FGGY: variants seen among roughly 807,000 people sequenced by gnomAD.
FGGY encodes FGGY carbohydrate kinase domain containing.
Under a neutral mutation model 71.3 loss-of-function variants are expected in FGGY, and 72 were observed. That is an observed-to-expected ratio of 1.01 (90% CI 0.84 to 1.23). FGGY has a LOEUF of 1.23. FGGY is among the 50% of genes most tolerant of loss of function. The pLI, the probability that FGGY is intolerant of heterozygous loss-of-function variation, is 0.00. For missense variants in FGGY, 668 were observed against 682.3 expected (o/e 0.98, Z 0.23); for synonymous variants, 251 against 250.3 (o/e 1.00, Z -0.02).
chr1:59,585,498 A>G (rs932306881), intron 8 of FGGY, among the ~76,000 whole-genome samples: 6 of 152,214 alleles, frequency 3.9e-5, no homozygotes, highest in Non-Finnish European at 7.3e-5. Flanking sequence ...TCCCTTCCTT[A>G]CACCCTATAC....
chr1:59,562,978 C>T (rs1218123295), intron 8 of FGGY, among the ~76,000 whole-genome samples: 1 of 152,206 alleles, frequency 6.6e-6, no homozygotes, highest in Non-Finnish European at 1.5e-5. Context: ...GTTGCTTATA[C>T]ACCTAAGGAA....
intron 8 of FGGY, among the ~76,000 whole-genome samples, chr1:59,589,700 T>G (rs550576672): frequency 6.6e-6 from 1 of 152,142 alleles, no homozygotes; most frequent in South Asian, 2.1e-4. Context: ...GGGTACATAA[T>G]GAAATGAAGG....
chr1:59,472,826 CTG>C (rs2093035413), intron 6 of FGGY, among the ~76,000 whole-genome samples: 1 of 152,060 alleles, frequency 6.6e-6, no homozygotes, highest in African/African-American at 2.4e-5. Context: ...AATCGGCTCT[CTG>C]TATCTAGCTG....
intron 4 of FGGY, among the ~76,000 whole-genome samples, chr1:59,355,454 A>T (rs187885331): frequency 6.0e-4 from 92 of 152,324 alleles, no homozygotes; most frequent in African/African-American, 2.2e-3. Flanking sequence ...GTTTTAGCAC[A>T]ATGCTCATGC....
At chr1:59,383,078 C>A (rs2059663968) in intron 5 of FGGY, among the ~76,000 whole-genome samples, 1 of 152,168 alleles carries the variant, frequency 6.6e-6, no homozygotes, top group African/African-American at 2.4e-5. Flanking sequence ...TTGATTGTCA[C>A]TCTTTTTGTC....
intron 10 of FGGY, among the ~76,000 whole-genome samples, 175 bp from the exon 11 acceptor site, chr1:59,638,053 A>C (rs892897605): frequency 6.6e-6 from 1 of 152,098 alleles, no homozygotes; most frequent in Non-Finnish European, 1.5e-5. Context: ...AGGATGTGGC[A>C]CCTTTCTTGG....
intron 4 of FGGY, among the ~76,000 whole-genome samples, chr1:59,353,040 A>G (rs2053600979): frequency 6.6e-6 from 1 of 152,230 alleles, no homozygotes; most frequent in Non-Finnish European, 1.5e-5. Flanking sequence ...TTTGGGAGAT[A>G]TAACACAAAT....
chr1:59,511,565 G>A (rs138420619), intron 6 of FGGY, among the ~76,000 whole-genome samples: 5 of 152,240 alleles, frequency 3.3e-5, no homozygotes, highest in African/African-American at 1.2e-4. Flanking sequence ...TAGGTTGGGG[G>A]CAAGGACTGC....
At chr1:59,537,692 G>A (rs1019342358) in intron 7 of FGGY, among the ~76,000 whole-genome samples, 5 of 151,690 alleles carry the variant, frequency 3.3e-5, no homozygotes, top group African/African-American at 4.8e-5. Context: ...AAATAACGCC[G>A]CATATCTACA....
At chr1:59,631,692 A>T (rs975637463) in intron 10 of FGGY, among the ~76,000 whole-genome samples, 1 of 152,196 alleles carries the variant, frequency 6.6e-6, no homozygotes, top group Middle Eastern at 3.2e-3. Flanking sequence ...CTGTGGAAAC[A>T]AGTGTTGATA....
chr1:59,759,713 C>A (rs1033543797), intron 15 of FGGY, among the ~76,000 whole-genome samples: 1 of 152,156 alleles, frequency 6.6e-6, no homozygotes, highest in South Asian at 2.1e-4. Context: ...CATCTCATTG[C>A]CTAATAGATC....
At chr1:59,652,754 G>A (rs547999066) in intron 11 of FGGY, among the ~76,000 whole-genome samples, 45 of 151,778 alleles carry the variant, frequency 3.0e-4, no homozygotes, top group Admixed American at 1.2e-3. Flanking sequence ...CTCTCAGCTC[G>A]TCAAAGTCAT....
intron 4 of FGGY, among the ~76,000 whole-genome samples, chr1:59,362,242 T>C (rs980267776): frequency 3.9e-5 from 6 of 152,126 alleles, no homozygotes; most frequent in African/African-American, 1.4e-4. Flanking sequence ...CTGTACTTCT[T>C]CTCTTTTGTC....
chr1:59,724,544 C>A (rs1238103518), intron 14 of FGGY, among the ~76,000 whole-genome samples: 1 of 151,732 alleles, frequency 6.6e-6, no homozygotes, highest in African/African-American at 2.4e-5. Context: ...TTTTTCCCAA[C>A]TCCTTGACGA....
intron 10 of FGGY, 153 bp downstream of exon 10, chr1:59,626,202 A>C (rs2096855069): frequency 3.5e-6 from 2 of 576,662 alleles, no homozygotes; most frequent in South Asian, 5.6e-5. Flanking sequence ...CAGAAGATAG[A>C]TGTATTAATT....
intron 5 of FGGY, among the ~76,000 whole-genome samples, chr1:59,379,606 C>T (rs1052696982): frequency 6.6e-6 from 1 of 152,054 alleles, no homozygotes; most frequent in Non-Finnish European, 1.5e-5. Flanking sequence ...ACTTTATAAA[C>T]ACTGTACCTG....
chr1:59,529,278 A>G (rs967433430), intron 7 of FGGY, among the ~76,000 whole-genome samples: 5 of 152,226 alleles, frequency 3.3e-5, no homozygotes, highest in African/African-American at 9.6e-5. Flanking sequence ...AGACAAAAAT[A>G]CTAATATTTA....
intron 4 of FGGY, among the ~76,000 whole-genome samples, chr1:59,362,743 A>C (rs1276172143): frequency 6.6e-6 from 1 of 152,172 alleles, no homozygotes; most frequent in Non-Finnish European, 1.5e-5. Context: ...ATAGTTTATA[A>C]ATTATGTATT....
intron 1 of FGGY, among the ~76,000 whole-genome samples, chr1:59,313,580 A>ACACG (rs1237319625): frequency 1.3e-5 from 2 of 152,024 alleles, no homozygotes; most frequent in Non-Finnish European, 2.9e-5. Context: ...ACACACACAC[A>ACACG]CACGCACGCA....
Sources: allele counts gnomAD v4.1 joint callset (sites outside exome capture counted in the v4.1 genomes callset), GRCh38; gene constraint gnomAD v4.1.1; transcripts MANE v1.5; gene names NCBI Gene and HGNC (gene_info 2026-07-23, HGNC 2026-07-21).